DIP2C: variants seen among roughly 807,000 people sequenced by gnomAD.
The protein encoded by DIP2C is disco-interacting protein 2 homolog C.
A neutral mutation model predicts 192.4 loss-of-function variants in DIP2C; 33 were observed. That is an observed-to-expected ratio of 0.17 (90% CI 0.13 to 0.23). DIP2C has a LOEUF of 0.23. Ranked by LOEUF, DIP2C falls within the 10% of genes least tolerant of loss-of-function variation. DIP2C has a pLI of 1.00. For synonymous variants in DIP2C, 979 were observed against 864.1 expected (o/e 1.13, Z -2.33); for missense variants, 1,537 against 2,110.1 (o/e 0.73, Z 5.32).
intron 1 of DIP2C, among the ~76,000 whole-genome samples, chr10:501,307 T>C (rs1164041417): frequency 6.9e-6 from 1 of 145,244 alleles, no homozygotes; most frequent in African/African-American, 2.4e-5. Context: ...CTTTATTAAG[T>C]GGCAATAATT....
At chr10:566,377 T>C (rs1327171477) in intron 1 of DIP2C, among the ~76,000 whole-genome samples, 1 of 152,154 alleles carries the variant, frequency 6.6e-6, no homozygotes, top group Non-Finnish European at 1.5e-5. Context: ...CTGCTGCCGG[T>C]TCACCTGGTG....
At chr10:415,667 T>C in intron 7 of DIP2C, 102 bp downstream of exon 7, 1 of 1,499,420 alleles carries the variant, frequency 6.7e-7, no homozygotes, top group Non-Finnish European at 9.1e-7. Flanking sequence ...AATGCCACGA[T>C]TACTGCTCTT....
chr10:481,405 C>G (rs1843599969), intron 2 of DIP2C, among the ~76,000 whole-genome samples: 1 of 152,238 alleles, frequency 6.6e-6, no homozygotes, highest in Non-Finnish European at 1.5e-5. Context: ...GAAGCCCTCT[C>G]CGTGGCGACA....
intron 33 of DIP2C, 44 bp downstream of exon 33, chr10:288,320 A>G (rs1955260785): frequency 1.9e-6 from 3 of 1,579,948 alleles, no homozygotes; most frequent in Non-Finnish European, 1.7e-6. Flanking sequence ...TACAGTCAGA[A>G]GCGAACGGAT....
chr10:386,940 G>A (rs1962987841), intron 14 of DIP2C, among the ~76,000 whole-genome samples: 1 of 152,144 alleles, frequency 6.6e-6, no homozygotes, highest in Non-Finnish European at 1.5e-5. Flanking sequence ...CACGAAAAGT[G>A]CCCAAGCCCG....
intron 8 of DIP2C, among the ~76,000 whole-genome samples, chr10:410,103 C>CA (rs1965088498): frequency 1.3e-5 from 2 of 152,192 alleles, no homozygotes; most frequent in Admixed American, 6.5e-5. Flanking sequence ...CAAATTAAAA[C>CA]ACCCTGAATT....
At chr10:440,770 G>A (rs1269237929) in intron 4 of DIP2C, 101 bp downstream of exon 4, 4 of 1,479,948 alleles carry the variant, frequency 2.7e-6, no homozygotes, top group Non-Finnish European at 2.7e-6. Context: ...CTGCATTACT[G>A]CTTCATTATT....
Position 454,930 on chromosome 10 carries a change from C to T in DIP2C, c.269-13934G>A, listed in dbSNP as rs561269915. On this transcript the variant is annotated intron_variant, in intron 3 of 36. Coordinates refer to ENST00000280886, the MANE Select transcript of DIP2C (RefSeq NM_014974.3). The stretch of plus-strand genomic sequence containing the variant: ...CACAGCTTTAAATCTTTAGAAAAAC[C>T]CATACCCTTCACTTCCATCTTTTGA... Among the ~76,000 whole-genome samples the T allele has an allele frequency of 1.1e-4, 17 of 152,216 alleles. No homozygotes were observed. In the South Asian group the frequency reaches 3.1e-3, roughly 28 times the overall value.
intron 26 of DIP2C, among the ~76,000 whole-genome samples, chr10:346,304 G>C (rs1421803244): frequency 1.4e-5 from 1 of 69,876 alleles, no homozygotes; most frequent in Admixed American, 1.6e-4. Flanking sequence ...TCCCGGAAAC[G>C]TCACACACAC....
At chr10:543,951 TTCTG>T (rs1848139641) in intron 1 of DIP2C, among the ~76,000 whole-genome samples, 1 of 152,260 alleles carries the variant, frequency 6.6e-6, no homozygotes, top group Non-Finnish European at 1.5e-5. Flanking sequence ...GCCAGCCGAC[TTCTG>T]TTTCTCTGGA....
At chr10:583,235 AG>A (rs79531207) in intron 1 of DIP2C, among the ~76,000 whole-genome samples, 6,700 of 152,344 alleles carry the variant, frequency 0.044, 426 homozygotes, top group African/African-American at 0.14. Flanking sequence ...TGAAAAGCCA[AG>A]GGGCATGCAA....
intron 1 of DIP2C, among the ~76,000 whole-genome samples, chr10:660,841 C>A (rs185065449): frequency 4.8e-4 from 73 of 152,290 alleles, no homozygotes; most frequent in African/African-American, 1.2e-3. Context: ...ACCCATGAAG[C>A]GTGGCCGAGA....
intron 1 of DIP2C, among the ~76,000 whole-genome samples, chr10:642,847 T>TC (rs753129990): frequency 3.3e-5 from 5 of 152,228 alleles, no homozygotes; most frequent in Non-Finnish European, 7.3e-5. Context: ...TGTGAACTCT[T>TC]CCTCATATCC....
At chr10:510,053 T>C (rs1276423504) in intron 1 of DIP2C, among the ~76,000 whole-genome samples, 1 of 152,162 alleles carries the variant, frequency 6.6e-6, no homozygotes, top group Non-Finnish European at 1.5e-5. Flanking sequence ...GAAGCCAAGG[T>C]CCCACTTTAA....
chr10:618,841 C>A (rs1853648130), intron 1 of DIP2C, among the ~76,000 whole-genome samples: 1 of 152,246 alleles, frequency 6.6e-6, no homozygotes, highest in African/African-American at 2.4e-5. Flanking sequence ...TGAAGCCGCA[C>A]GATCGCCAGA....
At chr10:564,393 T>TTC (rs150778636) in intron 1 of DIP2C, among the ~76,000 whole-genome samples, 1,993 of 152,226 alleles carry the variant, frequency 0.013, 24 homozygotes, top group Middle Eastern at 0.044. Context: ...CTCACTCCCC[T>TTC]TCTCACCCAC....
intron 1 of DIP2C, chr10:650,744 C>G (rs1043637092): frequency 7.7e-6 from 5 of 646,532 alleles, no homozygotes; most frequent in Admixed American, 4.8e-5. Flanking sequence ...CTCATGCTCA[C>G]TTCCCTGCAT....
intron 5 of DIP2C, among the ~76,000 whole-genome samples, chr10:421,071 G>A (rs925156288): frequency 1.3e-5 from 2 of 152,150 alleles, no homozygotes; most frequent in Non-Finnish European, 2.9e-5. Flanking sequence ...TTCTGATTAA[G>A]TTTCATTATT....
chr10:587,551 T>A lies in DIP2C; in HGVS notation c.86-101021A>T, dbSNP rs570286646. The stretch of plus-strand genomic sequence containing the variant: ...ATCCCAGCTATCCTCAAGACATTGA[T>A]CAATAACAAGTCGCTTCAGCCCTGA... On this transcript the variant is annotated intron_variant, in intron 1 of 36. Coordinates refer to ENST00000280886, the MANE Select transcript of DIP2C (RefSeq NM_014974.3). Among the ~76,000 whole-genome samples the A allele has an allele frequency of 5.9e-5, 9 of 152,276 alleles. No homozygotes were observed. The South Asian group carries it at 1.0e-3, about 18-fold the overall frequency.
Sources: allele counts gnomAD v4.1 joint callset (sites outside exome capture counted in the v4.1 genomes callset), GRCh38; gene constraint gnomAD v4.1.1; transcripts MANE v1.5; gene names NCBI Gene and HGNC (gene_info 2026-07-23, HGNC 2026-07-21).